AHRR: variants seen among roughly 807,000 people sequenced by gnomAD.
The protein encoded by AHRR is ahR repressor.
AHRR carries 28 observed loss-of-function variants against 44.0 expected under a neutral mutation model. The ratio of observed to expected loss-of-function variants is 0.64; its 90% confidence interval spans 0.47 to 0.87. AHRR has a LOEUF of 0.87. AHRR is among the 40% of genes least tolerant of loss of function. The probability of loss-of-function intolerance (pLI) is 0.00; values close to 1 mark genes in which losing one functional copy is unlikely to be tolerated. For synonymous variants in AHRR, 434 were observed against 407.0 expected, an observed-to-expected ratio of 1.07 and a Z score of -0.80; for missense variants, 990 against 953.9, an observed-to-expected ratio of 1.04 and a Z score of -0.50.
At chr5:397,045 A>C (rs1271164535) in intron 4 of AHRR, among the ~76,000 whole-genome samples, 11 of 125,278 alleles carry the variant, frequency 8.8e-5, no homozygotes, top group Non-Finnish European at 8.1e-5. Context: ...CTGACCATCC[A>C]TGTTAGCCCC....
At chr5:408,011 G>A (rs2126504893) in intron 4 of AHRR, among the ~76,000 whole-genome samples, 1 of 152,348 alleles carries the variant, frequency 6.6e-6, no homozygotes, top group Admixed American at 6.5e-5. Context: ...GAGGGAGTTG[G>A]CAGGTTTCTT....
chr5:392,413 G>C (rs1414742058), intron 4 of AHRR, among the ~76,000 whole-genome samples: 1 of 143,726 alleles, frequency 7.0e-6, no homozygotes, highest in Non-Finnish European at 1.5e-5. Context: ...GGGCCAGAGC[G>C]TGCACGAACA....
intron 4 of AHRR, among the ~76,000 whole-genome samples, chr5:394,127 G>C (rs930225811): frequency 6.6e-6 from 1 of 152,176 alleles, no homozygotes; most frequent in Non-Finnish European, 1.5e-5. Context: ...CACCCTGCTG[G>C]CTCTGGGTTT....
At chr5:353,575 T>C (rs1368058681) in intron 2 of AHRR, among the ~76,000 whole-genome samples, 155 bp from the exon 3 acceptor site, 1 of 152,202 alleles carries the variant, frequency 6.6e-6, no homozygotes, top group Non-Finnish European at 1.5e-5. Flanking sequence ...TGTCTATGTC[T>C]TGAGGCATGG....
chr5:404,337 C>CTTTTTTTTT lies in AHRR; in HGVS notation c.352-9005_352-8997dup. The CTTTTTTTTT allele has an allele frequency of 6.5e-6, 3 of 460,312 alleles. No homozygotes were observed. The highest frequency in any genetic ancestry group is 4.1e-4 in the Middle Eastern group (1 of 2,430). The allele number at this position is 460,312 out of a possible 1,614,324, so 28.5% of individuals were successfully genotyped here. ...CAGTGTTACTAAAAGCTGTTTCACT[C>CTTTTTTTTT]TTTTTTTTTTCTTTTTTCCTTCATT... On this transcript the variant is annotated intron_variant, in intron 4 of 10. Coordinates refer to ENST00000684583, the MANE Select transcript of AHRR (RefSeq NM_001377236.1). The surrounding 1 kb of genome is among the most constrained non-coding windows in gnomAD (Gnocchi z 4.1).
rs4957038 is a variant in AHRR at position 424,054 on chromosome 5, G to A, written c.708+77G>A. On this transcript the variant is annotated intron_variant, in intron 7 of 10. Coordinates refer to ENST00000684583, the MANE Select transcript of AHRR (RefSeq NM_001377236.1). ...ACCCTGGTGTGGAAGGAAACAGAGG[G>A]CAAGAGGGGGTGGGGGCGTTAAACC... 8.1e-5 allele frequency: 125 copies of A among 1,539,484 alleles called. No individual in the cohort carries two copies. In the Admixed American group the frequency reaches 2.3e-3, roughly 28 times the overall value.
Position 353,661 on chromosome 5 carries a change from G to T in AHRR, c.63-69G>T, listed in dbSNP as rs114530743. On this transcript the variant is annotated intron_variant, in intron 2 of 10. Transcript: ENST00000684583. ...TCCTAGTAAGGTCACTGCAGAGGAC[G>T]GTTTCCGCCCCAGGGGGCCTGTGGC... The T allele has an allele frequency of 1.2e-5, 18 of 1,476,912 alleles. No individual in the cohort carries two copies. In the East Asian group the frequency reaches 3.4e-4, roughly 28 times the overall value. The allele number at this position is 1,476,912 out of a possible 1,614,324, so 91.5% of individuals were successfully genotyped here. A position where few individuals can be genotyped will look rare whatever the true frequency, so the allele number is the denominator to read the frequency against.
intron 10 of AHRR, among the ~76,000 whole-genome samples, chr5:433,159 C>T (rs1380868197): frequency 6.6e-6 from 1 of 152,210 alleles, no homozygotes; most frequent in East Asian, 1.9e-4. Flanking sequence ...GGACTGACCC[C>T]GGGAAGCAGT....
At chr5:433,706 G>A in intron 10 of AHRR, 147 bp from the exon 11 acceptor site, 1 of 955,494 alleles carries the variant, frequency 1.0e-6, no homozygotes, top group Non-Finnish European at 1.4e-6. Context: ...GGGGTTAGAA[G>A]GCACAGCGCA....
At chr5:415,375 G>GCGGGAGGCC (rs1735697039) in intron 5 of AHRR, among the ~76,000 whole-genome samples, 1 of 104,436 alleles carries the variant, frequency 9.6e-6, no homozygotes, top group Non-Finnish European at 2.1e-5. Context: ...CCCTGGTCGG[G>GCGGGAGGCC]TGGGAGGCCT....
chr5:382,919 C>T (rs1734041662), intron 4 of AHRR, among the ~76,000 whole-genome samples: 1 of 152,198 alleles, frequency 6.6e-6, no homozygotes, highest in Non-Finnish European at 1.5e-5. Context: ...CTATGAGCTT[C>T]TTTAAGCACC....
At chr5:413,871 C>G (rs1194998864) in intron 5 of AHRR, among the ~76,000 whole-genome samples, 1 of 152,186 alleles carries the variant, frequency 6.6e-6, no homozygotes, top group Non-Finnish European at 1.5e-5. Context: ...CCAGCCAGCC[C>G]CAGGTGGATG....
chr5:434,928 C>T lies in AHRR; in HGVS notation c.*94C>T, dbSNP rs1736939981. On this transcript the variant is annotated 3_prime_UTR_variant, in exon 11 of 11. Coordinates refer to ENST00000684583, the MANE Select transcript of AHRR (RefSeq NM_001377236.1). ...TGCTCCTGGTCAGGCCGGAGCCCGT[C>T]CTAAGACACACGCTTTGCAGAGCTG... 3 of 1,449,110 alleles carry T rather than the reference C, an allele frequency of 2.1e-6. No individual in the cohort carries two copies. Among genetic ancestry groups the T allele is most frequent in the East Asian group, 2.5e-5 (1 of 40,058 alleles). The allele number at this position is 1,449,110 out of a possible 1,614,324, so 89.8% of individuals were successfully genotyped here.
intron 4 of AHRR, among the ~76,000 whole-genome samples, chr5:391,720 G>C (rs111477894): frequency 0.073 from 307 of 4,212 alleles, 2 homozygotes; most frequent in Non-Finnish European, 0.088. Context: ...CGTGCATGGG[G>C]GCAGGGCGAG....
At position 434,299 on chromosome 5, in the gene AHRR, G is replaced by A. The variant is rs1408018844; in HGVS notation, c.1559G>A (p.Gly520Glu). ...CTGCAAGGTGTACCGATGCCTCCGG[G>A]GGACCTGTGTGGTCCGACGCTGCTG... is the stretch of plus-strand genomic sequence containing the variant. ...MKLQGVPMPP[G>E]DLCGPTLLLD... The change falls in exon 11 of 11, where the codon GGG (glycine) becomes GAG (glutamate). Residue 520 changes from glycine to glutamate, a missense_variant. Coordinates refer to ENST00000684583, the MANE Select transcript of AHRR (RefSeq NM_001377236.1). 1.2e-6 allele frequency: 2 copies of A among 1,609,626 alleles called. No homozygotes were observed. Among genetic ancestry groups the A allele is most frequent in the Middle Eastern group, 1.7e-4 (1 of 6,044 alleles).
intron 7 of AHRR, chr5:427,498 C>G: frequency 9.5e-7 from 1 of 1,047,368 alleles, no homozygotes; most frequent in South Asian, 1.5e-5. Context: ...GCAGTTCGTG[C>G]CACCTGCGCA....
rs992803865 is a variant in AHRR at position 414,526 on chromosome 5, C to A, written c.441+1093C>A. ...TCCACAAGCCACTCCCACAAAAATA[C>A]CCGCCCTGCAAATGAGCTCACAATG... On this transcript the variant is annotated intron_variant, in intron 5 of 10. Coordinates refer to ENST00000684583, the MANE Select transcript of AHRR (RefSeq NM_001377236.1). Among the ~76,000 whole-genome samples, 5 of 152,110 alleles carry A rather than the reference C, an allele frequency of 3.3e-5. No individual in the cohort carries two copies. The South Asian group carries it at 8.3e-4, about 25-fold the overall frequency.
intron 3 of AHRR, 53 bp from the exon 4 acceptor site, chr5:376,557 A>ATGTGAATGAATGAGACCC: frequency 7.0e-7 from 1 of 1,423,182 alleles, no homozygotes; most frequent in African/African-American, 1.5e-5. Flanking sequence ...AATGAAGAAG[A>ATGTGAATGAATGAGACCC]GTGGCCAGGC....
chr5:397,967 ATAGCTCCTGACCATCCACG>A (rs1734819870), intron 4 of AHRR, among the ~76,000 whole-genome samples: 2 of 41,680 alleles, frequency 4.8e-5, no homozygotes, highest in Admixed American at 3.0e-4. Flanking sequence ...GACCATCCAC[ATAGCTCCTGACCATCCACG>A]TAGCCCCTGA....
Sources: allele counts gnomAD v4.1 joint callset (sites outside exome capture counted in the v4.1 genomes callset), GRCh38; gene constraint gnomAD v4.1.1; non-coding constraint Gnocchi (gnomAD v3.1); transcripts MANE v1.5; gene names NCBI Gene and HGNC (gene_info 2026-07-23, HGNC 2026-07-21).